The following MTBP variants were observed in gnomAD, a reference collection of about 807,000 sequenced individuals.
The protein encoded by MTBP is MDM2 binding protein, also known as mdm2-binding protein.
MTBP carries 101 observed loss-of-function variants against 117.0 expected under a neutral mutation model. That is an observed-to-expected ratio of 0.86 (90% CI 0.73 to 1.02). The LOEUF (loss-of-function observed/expected upper bound fraction) is 1.02. Among genes scored for constraint, MTBP ranks in the 50% least tolerant of loss-of-function variants. MTBP has a pLI of 0.00. For missense variants in MTBP, 970 were observed against 1,030.9 expected (o/e 0.94, Z 0.81); for synonymous variants, 350 against 351.5 (o/e 1.00, Z 0.05).
Position 120,494,839 on chromosome 8 carries a change from T to C in MTBP, c.1448-2554T>C, listed in dbSNP as rs573762494. Among the ~76,000 whole-genome samples the C allele has an allele frequency of 7.4e-4, 112 of 152,334 alleles. 1 individual carries two copies. The highest frequency in any genetic ancestry group is 2.5e-3 in the African/African-American group (106 of 41,580). Reference sequence around the variant, plus strand: ...TTTTAAATTTGCCTACTCTTCTGTATAGACAGAACATTGTTATGTTTTTCC... The same window carrying C: ...TTTTAAATTTGCCTACTCTTCTGTACAGACAGAACATTGTTATGTTTTTCC... On this transcript the variant is annotated intron_variant, in intron 13 of 21. Transcript: ENST00000305949.
chr8:120,522,626 G>A, intron 20 of MTBP, 28 bp from the exon 21 acceptor site: 1 of 1,426,000 alleles, frequency 7.0e-7, no homozygotes, highest in East Asian at 2.3e-5. Flanking sequence ...TGTGCAGATT[G>A]TAAAATGCTG....
At position 120,490,446 on chromosome 8, in the gene MTBP, T is replaced by G. The variant is rs769614997; in HGVS notation, c.1340-17T>G. The G allele has an allele frequency of 2.0e-6, 3 of 1,522,624 alleles. No individual in the cohort carries two copies. Among genetic ancestry groups the G allele is most frequent in the South Asian group, 2.3e-5 (2 of 85,578 alleles). 94.3% of individuals were successfully genotyped at this position (1,522,624 alleles called of 1,614,324 possible). On this transcript the variant is annotated splice_polypyrimidine_tract_variant and intron_variant, in intron 12 of 21. Transcript: ENST00000305949. Reference sequence around the variant, plus strand: ...GGGCATCATTAATGTTGACCTTTTTTTTTTCTTATTTCTCAGGTTTTCCTT... The same window carrying G: ...GGGCATCATTAATGTTGACCTTTTTGTTTTCTTATTTCTCAGGTTTTCCTT...
chr8:120,452,603 G>A (rs1813379192), intron 4 of MTBP: 1 of 152,198 alleles, frequency 6.6e-6, no homozygotes, highest in South Asian at 2.1e-4. Context: ...GGCCGAGGCG[G>A]GTGGGTCACA....
intron 13 of MTBP, among the ~76,000 whole-genome samples, chr8:120,496,398 AG>A (rs1194036219): frequency 1.3e-5 from 2 of 152,162 alleles, no homozygotes; most frequent in African/African-American, 4.8e-5. Flanking sequence ...TTGAAATGGA[AG>A]TTTTGTATGC....
At chr8:120,453,775 A>G (rs1813409069) in intron 4 of MTBP, 72 bp from the exon 5 acceptor site, 1 of 650,422 alleles carries the variant, frequency 1.5e-6, no homozygotes, top group Non-Finnish European at 2.5e-6. Context: ...TTTTTAGTTA[A>G]TATTACCTAT....
intron 6 of MTBP, among the ~76,000 whole-genome samples, chr8:120,456,036 G>A (rs1166859225): frequency 1.3e-5 from 2 of 152,032 alleles, no homozygotes; most frequent in Non-Finnish European, 2.9e-5. Flanking sequence ...TTCATTCAAC[G>A]AATGTTTATT....
At position 120,451,256 on chromosome 8, in the gene MTBP, G is replaced by A. The variant is rs1457811116; in HGVS notation, c.359G>A (p.Cys120Tyr). 7 of 1,612,800 alleles carry A rather than the reference G, an allele frequency of 4.3e-6. No homozygotes were observed. Among genetic ancestry groups the A allele is most frequent in the Non-Finnish European group, 5.9e-6 (7 of 1,179,156 alleles). Reference sequence around the variant, plus strand: ...GTTCTTCAAACGAATATCGAAGAATGTTTGGGTGCTGTTGAGTGTTTTGAA... The same window carrying A: ...GTTCTTCAAACGAATATCGAAGAATATTTGGGTGCTGTTGAGTGTTTTGAA... ...EDVLQTNIEECLGAVECFEEE... is the reference protein window; with the variant it reads ...EDVLQTNIEEYLGAVECFEEE... Residue 120 changes from cysteine (C) to tyrosine (Y), a missense_variant, in exon 4 of 22, where the codon TGT (cysteine) becomes TAT (tyrosine). Coordinates refer to ENST00000305949, the MANE Select transcript of MTBP (RefSeq NM_022045.5).
chr8:120,458,120 G>T (rs1318737531), intron 7 of MTBP, among the ~76,000 whole-genome samples: 1 of 152,092 alleles, frequency 6.6e-6, no homozygotes, highest in African/African-American at 2.4e-5. Context: ...GAAATTAAAT[G>T]TTCGTATCTC....
intron 17 of MTBP, among the ~76,000 whole-genome samples, chr8:120,513,024 A>G (rs1263880733): frequency 2.0e-5 from 3 of 152,120 alleles, no homozygotes; most frequent in African/African-American, 4.8e-5. Flanking sequence ...GAGCAAAACA[A>G]TGTTTTTTAA....
intron 14 of MTBP, 86 bp from the exon 15 acceptor site, chr8:120,502,406 T>C: frequency 1.2e-6 from 1 of 845,190 alleles, no homozygotes; most frequent in East Asian, 2.5e-5. Context: ...CACACACGTA[T>C]GTATGTGTCT....
intron 17 of MTBP, among the ~76,000 whole-genome samples, chr8:120,514,383 A>G (rs564939172): frequency 5.3e-5 from 8 of 152,138 alleles, no homozygotes; most frequent in Non-Finnish European, 7.4e-5. Flanking sequence ...CCCCATCCCC[A>G]TAACCACTAT....
At position 120,481,257 on chromosome 8, in the gene MTBP, A is replaced by G. The variant is rs183040432; in HGVS notation, c.1166-6902A>G. On this transcript the variant is annotated intron_variant, in intron 11 of 21. Transcript: ENST00000305949. ...GGGGATGTTCAATAGCACAGCTAGT[A>G]AGGAAAACAGTTTGACAGTTAAACT... 4.6e-5 allele frequency among the ~76,000 whole-genome samples: 7 copies of G among 152,342 alleles called. No homozygotes were observed. The East Asian group carries it at 1.3e-3, about 29-fold the overall frequency.
At chr8:120,477,622 C>T (rs1249463510) in intron 11 of MTBP, among the ~76,000 whole-genome samples, 1 of 152,166 alleles carries the variant, frequency 6.6e-6, no homozygotes, top group Non-Finnish European at 1.5e-5. Flanking sequence ...CAGAAAAAGA[C>T]ATTTATGCAG....
At chr8:120,459,007 C>A (rs898740159) in intron 7 of MTBP, among the ~76,000 whole-genome samples, 27 of 152,012 alleles carry the variant, frequency 1.8e-4, no homozygotes, top group African/African-American at 6.3e-4. Flanking sequence ...GAAGGACCAA[C>A]GAGAGCTTTT....
chr8:120,510,059 G>T, intron 17 of MTBP, 30 bp downstream of exon 17: 1 of 1,437,848 alleles, frequency 7.0e-7, no homozygotes, highest in Non-Finnish European at 9.7e-7. Flanking sequence ...TTACTCTTCT[G>T]TATGTTGTTG....
At chr8:120,449,369 T>C (rs1400544144) in intron 2 of MTBP, among the ~76,000 whole-genome samples, 2 of 152,130 alleles carry the variant, frequency 1.3e-5, no homozygotes, top group Non-Finnish European at 2.9e-5. Flanking sequence ...GCCTGTAAGA[T>C]GCAAAGTAAG....
At chr8:120,511,426 A>G (rs1814807085) in intron 17 of MTBP, among the ~76,000 whole-genome samples, 1 of 152,072 alleles carries the variant, frequency 6.6e-6, no homozygotes, top group African/African-American at 2.4e-5. Context: ...CTCCCAGGTA[A>G]CTGGGATTAC....
rs149318097 is a variant in MTBP, at chr8:120,493,864, C to T, written c.1447+3294C>T. Among the ~76,000 whole-genome samples, 767 of 152,252 alleles carry T rather than the reference C, an allele frequency of 5.0e-3. 10 individuals carry two copies. Among genetic ancestry groups the T allele is most frequent in the African/African-American group, 0.017 (699 of 41,548 alleles). On this transcript the variant is annotated intron_variant, in intron 13 of 21. Coordinates refer to ENST00000305949, the MANE Select transcript of MTBP (RefSeq NM_022045.5). Reference sequence around the variant, plus strand: ...TGAAGCAGATTACTGCGTACATCTTCCAGATAAAACCAAACCATCGGTAAC... The same window carrying T: ...TGAAGCAGATTACTGCGTACATCTTTCAGATAAAACCAAACCATCGGTAAC...
intron 14 of MTBP, among the ~76,000 whole-genome samples, chr8:120,498,289 A>G (rs1200955448): frequency 3.3e-5 from 5 of 152,252 alleles, no homozygotes; most frequent in African/African-American, 1.2e-4. Flanking sequence ...CCTGTAAAAC[A>G]CTTAGAACAC....
Sources: gnomAD v4.1 joint callset for allele counts (sites outside exome capture counted in the v4.1 genomes callset) on GRCh38, gnomAD v4.1.1 for gene constraint, MANE v1.5 for transcripts, NCBI Gene and HGNC (gene_info 2026-07-23, HGNC 2026-07-21) for gene names.